Variants in EIPR1 observed in about 807,000 individuals in gnomAD.
EIPR1 encodes EARP complex and GARP complex interacting protein 1.
In EIPR1, 25 loss-of-function variants were observed where a neutral mutation model predicts 48.1. That is an observed-to-expected ratio of 0.52 (90% CI 0.38 to 0.73). EIPR1 has a LOEUF of 0.73. Ranked by LOEUF, EIPR1 falls within the 30% of genes least tolerant of loss-of-function variation. EIPR1 has a pLI of 0.00. For missense variants in EIPR1, 415 were observed against 506.2 expected, an observed-to-expected ratio of 0.82 and a Z score of 1.73; for synonymous variants, 204 against 201.9, an observed-to-expected ratio of 1.01 and a Z score of -0.09.
At chr2:3,220,592 C>T (rs924411146) in intron 4 of EIPR1, among the ~76,000 whole-genome samples, 2 of 151,974 alleles carry the variant, frequency 1.3e-5, no homozygotes, top group Non-Finnish European at 2.9e-5. Context: ...CACACAATGG[C>T]TATTTGTGCA....
rs149838305 is a variant in EIPR1, at chr2:3,350,977, T to C, written c.126+3573A>G. On this transcript the variant is annotated intron_variant, in intron 2 of 8. Coordinates refer to ENST00000382125, the MANE Select transcript of EIPR1 (RefSeq NM_003310.5). ...AAAAAAAAAAACAAATTAAGGTAGA[T>C]TAAAACACTTTCTGTCATTTTGGGC... 4.1e-4 allele frequency among the ~76,000 whole-genome samples: 61 copies of C among 148,940 alleles called. 1 individual carries two copies. The East Asian group carries it at 8.4e-3, about 21-fold the overall frequency.
At chr2:3,219,217 C>G (rs1354223908) in intron 4 of EIPR1, among the ~76,000 whole-genome samples, 1 of 150,584 alleles carries the variant, frequency 6.6e-6, no homozygotes, top group South Asian at 2.1e-4. Flanking sequence ...GGTGCACACC[C>G]AGCATGGCCC....
intron 4 of EIPR1, among the ~76,000 whole-genome samples, chr2:3,218,772 G>A (rs1000534919): frequency 2.7e-5 from 4 of 150,302 alleles, no homozygotes; most frequent in Non-Finnish European, 5.9e-5. Flanking sequence ...ATACACTCTA[G>A]AGCGTTCACA....
chr2:3,369,046 T>A (rs1407842968), intron 1 of EIPR1, among the ~76,000 whole-genome samples: 1 of 152,188 alleles, frequency 6.6e-6, no homozygotes, highest in Non-Finnish European at 1.5e-5. Flanking sequence ...AAAAAAACAC[T>A]ATCCTTTTCA....
chr2:3,197,545 C>A (rs1214730639), intron 5 of EIPR1, among the ~76,000 whole-genome samples: 1 of 152,228 alleles, frequency 6.6e-6, no homozygotes, highest in Non-Finnish European at 1.5e-5. Context: ...CTCAGCAAGG[C>A]CCTCTGGGGC....
rs141003175 is a variant in EIPR1 at position 3,269,243 on chromosome 2, G to A, written c.260-11788C>T. On this transcript the variant is annotated intron_variant, in intron 3 of 8. Transcript: ENST00000382125. The stretch of plus-strand genomic sequence containing the variant: ...CACTCAATCATCGCACTCAGTCATC[G>A]CACTCAGTCATCGCACTCAGTCATG... Among the ~76,000 whole-genome samples, 172 of 146,174 alleles carry A rather than the reference G, an allele frequency of 1.2e-3. 3 individuals are homozygous for A. The East Asian group carries it at 0.03, about 26-fold the overall frequency.
intron 5 of EIPR1, chr2:3,208,418 C>A (rs1011445404): frequency 3.4e-6 from 5 of 1,459,532 alleles, no homozygotes; most frequent in African/African-American, 2.8e-5. Flanking sequence ...ACTCAGACCA[C>A]GTCACCTTCA....
intron 5 of EIPR1, among the ~76,000 whole-genome samples, chr2:3,212,460 C>T (rs1665488794): frequency 1.3e-5 from 2 of 152,142 alleles, no homozygotes; most frequent in South Asian, 4.1e-4. Flanking sequence ...GAGCCCTCTG[C>T]CCAAGTGTCT....
intron 3 of EIPR1, among the ~76,000 whole-genome samples, chr2:3,261,002 TC>T (rs1212599612): frequency 2.0e-5 from 3 of 152,154 alleles, no homozygotes; most frequent in African/African-American, 7.2e-5. Flanking sequence ...ACCCAATAAT[TC>T]CACTCTTAGA....
At chr2:3,269,597 TCAATCGCACTCAATCATCA>T (rs1405949841) in intron 3 of EIPR1, among the ~76,000 whole-genome samples, 4 of 31,248 alleles carry the variant, frequency 1.3e-4, no homozygotes. Flanking sequence ...ATCATCGCAC[TCAATCGCACTCAATCATCA>T]CAATCATCGC....
intron 3 of EIPR1, among the ~76,000 whole-genome samples, chr2:3,290,702 A>C (rs987767772): frequency 6.6e-6 from 1 of 152,194 alleles, no homozygotes; most frequent in Non-Finnish European, 1.5e-5. Context: ...CATTCTCCTC[A>C]CTGCACAGGC....
chr2:3,335,987 G>A (rs1670031179), intron 3 of EIPR1, among the ~76,000 whole-genome samples: 1 of 152,154 alleles, frequency 6.6e-6, no homozygotes, highest in Admixed American at 6.5e-5. Context: ...CCTAAGAAAA[G>A]GCCGAGGACG....
At chr2:3,294,082 C>A (rs919314988) in intron 3 of EIPR1, among the ~76,000 whole-genome samples, 7 of 152,084 alleles carry the variant, frequency 4.6e-5, no homozygotes, top group Non-Finnish European at 7.4e-5. Flanking sequence ...TATGTATAAC[C>A]ATTTAACAAA....
intron 7 of EIPR1, 34 bp downstream of exon 7, chr2:3,193,965 C>T (rs1440896830): frequency 6.2e-7 from 1 of 1,608,958 alleles, no homozygotes; most frequent in Non-Finnish European, 8.5e-7. Flanking sequence ...TTGCGTAATC[C>T]CCTCCTCCCT....
At chr2:3,202,719 C>T (rs1381173399) in intron 5 of EIPR1, among the ~76,000 whole-genome samples, 1 of 152,238 alleles carries the variant, frequency 6.6e-6, no homozygotes, top group Non-Finnish European at 1.5e-5. Context: ...TCTTGCACTT[C>T]AACTTCTAAC....
intron 4 of EIPR1, among the ~76,000 whole-genome samples, chr2:3,238,220 T>C (rs534820087): frequency 6.6e-6 from 1 of 152,296 alleles, no homozygotes; most frequent in East Asian, 1.9e-4. Flanking sequence ...AACTCAATCA[T>C]GTGTGGCCAT....
At chr2:3,292,489 C>G (rs192230287) in intron 3 of EIPR1, among the ~76,000 whole-genome samples, 3 of 152,174 alleles carry the variant, frequency 2.0e-5, no homozygotes, top group African/African-American at 7.2e-5. Flanking sequence ...CACAGACAGC[C>G]GGCTCTGCGC....
At chr2:3,218,795 C>A (rs1412031066) in intron 4 of EIPR1, among the ~76,000 whole-genome samples, 2 of 149,826 alleles carry the variant, frequency 1.3e-5, no homozygotes, top group East Asian at 2.0e-4. Context: ...GACCCAGGTG[C>A]ACACCCAACA....
At chr2:3,207,936 C>T (rs1665292394) in intron 5 of EIPR1, 1 of 152,776 alleles carries the variant, frequency 6.5e-6, no homozygotes, top group South Asian at 2.1e-4. Flanking sequence ...CTTAGTAAAT[C>T]ACTGACTACA....
Sources: allele counts gnomAD v4.1 joint callset (sites outside exome capture counted in the v4.1 genomes callset), GRCh38; gene constraint gnomAD v4.1.1; transcripts MANE v1.5; gene names NCBI Gene and HGNC (gene_info 2026-07-23, HGNC 2026-07-21).